WDR33: variants seen among roughly 807,000 people sequenced by gnomAD.
The protein encoded by WDR33 is pre-mRNA 3' end processing protein WDR33.
WDR33 carries 47 observed loss-of-function variants against 164.9 expected under a neutral mutation model. That is an observed-to-expected ratio of 0.29 (90% CI 0.23 to 0.36). The LOEUF is 0.36. Among genes scored for constraint, WDR33 ranks in the 10% least tolerant of loss-of-function variants. The probability of loss-of-function intolerance (pLI) is 1.00; values close to 1 mark genes in which losing one functional copy is unlikely to be tolerated. For missense variants in WDR33, 1,137 were observed against 1,754.1 expected (o/e 0.65, Z 6.28); for synonymous variants, 505 against 589.0 (o/e 0.86, Z 2.06).
intron 1 of WDR33, among the ~76,000 whole-genome samples, chr2:127,807,671 A>C (rs899606209): frequency 4.9e-4 from 74 of 152,252 alleles, no homozygotes; most frequent in Admixed American, 4.8e-3. Context: ...AATCTAGGCA[A>C]AGAGTTAATA....
In WDR33 at chr2:127,811,082, T is replaced by C. The variant is rs1474538594; in HGVS notation, c.-94A>G. The C allele has an allele frequency of 6.5e-6, 1 of 152,684 alleles. No homozygotes were observed. The highest frequency in any genetic ancestry group is 1.5e-5 in the Non-Finnish European group (1 of 68,058). The allele number at this position is 152,684 out of a possible 1,614,324, so 9.5% of individuals were successfully genotyped here. A position where few individuals can be genotyped will look rare whatever the true frequency, so the allele number is the denominator to read the frequency against. ...CCTTCAGAGCCAGAAATGTCTCTCT[T>C]GTTTGGTCTCCCCACCCCGATCCTC... On this transcript the variant is annotated 5_prime_UTR_variant, in exon 1 of 22. Coordinates refer to ENST00000322313, the MANE Select transcript of WDR33 (RefSeq NM_018383.5). This position sits in a 1 kb window ranked among gnomAD's most constrained non-coding sequence, Gnocchi z 4.1.
At chr2:127,802,348 C>T (rs1209898052) in intron 1 of WDR33, among the ~76,000 whole-genome samples, 1 of 152,140 alleles carries the variant, frequency 6.6e-6, no homozygotes, top group Non-Finnish European at 1.5e-5. Context: ...CAAGACTTAA[C>T]TACTTTTTCT....
At chr2:127,750,780 A>G (rs1297343171) in intron 7 of WDR33, among the ~76,000 whole-genome samples, 1 of 142,752 alleles carries the variant, frequency 7.0e-6, no homozygotes, top group African/African-American at 2.6e-5. Context: ...ATACACATAT[A>G]TATACACACA....
chr2:127,793,858 G>A lies in WDR33; in HGVS notation c.-24+17154C>T, dbSNP rs532239231. On this transcript the variant is annotated intron_variant, in intron 1 of 21. Coordinates refer to ENST00000322313, the MANE Select transcript of WDR33 (RefSeq NM_018383.5). ...TTTAAGAAACTATATTGTTCGGGCA[G>A]GCACAGTGGCTCACGCCTGTAATCC... is the stretch of plus-strand genomic sequence containing the variant. Among the ~76,000 whole-genome samples the A allele has an allele frequency of 2.6e-5, 4 of 152,296 alleles. No individual in the cohort carries two copies. The East Asian group carries it at 5.8e-4, about 22-fold the overall frequency.
At chr2:127,745,718 C>T (rs1178329242) in intron 7 of WDR33, among the ~76,000 whole-genome samples, 1 of 151,968 alleles carries the variant, frequency 6.6e-6, no homozygotes, top group Non-Finnish European at 1.5e-5. Context: ...ATATTGTAAA[C>T]CTACCAAAAA....
chr2:127,801,415 A>G (rs1195560250), intron 1 of WDR33, among the ~76,000 whole-genome samples: 4 of 152,012 alleles, frequency 2.6e-5, no homozygotes, highest in African/African-American at 9.7e-5. Context: ...TAATCCTAGC[A>G]CTTTGGGAGG....
rs59904458 is a variant in WDR33 at position 127,715,092 on chromosome 2, T to C, written c.2870-1071A>G. Among the ~76,000 whole-genome samples the C allele has an allele frequency of 2.2e-4, 31 of 139,704 alleles. No homozygotes were observed. In the East Asian group the frequency reaches 5.0e-3, roughly 22 times the overall value. The allele number at this position is 139,704 out of a possible 152,430, so 91.7% of individuals were successfully genotyped here. The stretch of plus-strand genomic sequence containing the variant: ...CTTTCTTTTCTTTCTTTGTTTCTTT[T>C]TTTTTTTTTTTTTTTTTTGAGACAG... On this transcript the variant is annotated intron_variant, in intron 17 of 21. Transcript: ENST00000322313.
intron 7 of WDR33, among the ~76,000 whole-genome samples, chr2:127,744,038 T>C (rs571374340): frequency 1.3e-5 from 2 of 152,318 alleles, no homozygotes; most frequent in Non-Finnish European, 2.9e-5. Context: ...TTACCATGTG[T>C]GCTTATTATT....
chr2:127,722,468 C>A lies in WDR33; in HGVS notation c.1518+123G>T. The A allele has an allele frequency of 1.5e-6, 2 of 1,350,622 alleles. No homozygotes were observed. Among genetic ancestry groups the A allele is most frequent in the Non-Finnish European group, 2.0e-6 (2 of 988,846 alleles). 83.7% of individuals were successfully genotyped at this position (1,350,622 alleles called of 1,614,324 possible). On this transcript the variant is annotated intron_variant, in intron 14 of 21. Coordinates refer to ENST00000322313, the MANE Select transcript of WDR33 (RefSeq NM_018383.5). The surrounding 1 kb of genome is among the most constrained non-coding windows in gnomAD (Gnocchi z 5.1). ...TAGATGAGAACCATGTCTAAGAGTACGTGAACATGGGAAAAATGCTCCAGT... is the reference window on the plus strand; with the variant it reads ...TAGATGAGAACCATGTCTAAGAGTAAGTGAACATGGGAAAAATGCTCCAGT...
At chr2:127,792,964 A>G (rs1688893860) in intron 1 of WDR33, among the ~76,000 whole-genome samples, 1 of 152,216 alleles carries the variant, frequency 6.6e-6, no homozygotes, top group South Asian at 2.1e-4. Flanking sequence ...GAGATACGTC[A>G]GAAACATTAC....
In WDR33 at chr2:127,743,063, T is replaced by C. The variant is rs533517995; in HGVS notation, c.725-16286A>G. 1.2e-4 allele frequency among the ~76,000 whole-genome samples: 19 copies of C among 152,220 alleles called. 1 individual carries two copies. Among genetic ancestry groups the C allele is most frequent in the Admixed American group, 5.2e-4 (8 of 15,292 alleles). ...ACCCCAAACTATGAGTCAAGTATGATGGTAATTAAATACCTTTCCAGACTC... is the reference window on the plus strand; with the variant it reads ...ACCCCAAACTATGAGTCAAGTATGACGGTAATTAAATACCTTTCCAGACTC... On this transcript the variant is annotated intron_variant, in intron 7 of 21. Coordinates refer to ENST00000322313, the MANE Select transcript of WDR33 (RefSeq NM_018383.5).
chr2:127,765,015 G>C (rs750416725), intron 5 of WDR33, 36 bp from the exon 6 acceptor site: 1 of 1,605,538 alleles, frequency 6.2e-7, no homozygotes, highest in African/African-American at 1.3e-5. Context: ...GTAAGGTGCT[G>C]CTTCAAAGAA....
At chr2:127,802,747 G>A (rs1189152739) in intron 1 of WDR33, among the ~76,000 whole-genome samples, 1 of 152,174 alleles carries the variant, frequency 6.6e-6, no homozygotes, top group African/African-American at 2.4e-5. Flanking sequence ...GGGAGGCTGA[G>A]GAGGGAGGAA....
intron 7 of WDR33, among the ~76,000 whole-genome samples, chr2:127,733,677 G>T (rs1215309484): frequency 6.6e-6 from 1 of 152,092 alleles, no homozygotes; most frequent in Non-Finnish European, 1.5e-5. Flanking sequence ...ATATCAGACA[G>T]GAGAGATATA....
chr2:127,769,087 C>A (rs1485781282), intron 2 of WDR33, 86 bp from the exon 3 acceptor site: 3 of 769,318 alleles, frequency 3.9e-6, no homozygotes, highest in Non-Finnish European at 5.2e-6. Flanking sequence ...TTGAAATTAA[C>A]AAAATGTAAG....
intron 1 of WDR33, among the ~76,000 whole-genome samples, chr2:127,801,699 A>T (rs1043284225): frequency 6.6e-6 from 1 of 152,148 alleles, no homozygotes; most frequent in Non-Finnish European, 1.5e-5. Context: ...CCTAGCCAAC[A>T]TGGTGAAATC....
chr2:127,711,280 C>G (rs538718706), intron 18 of WDR33, among the ~76,000 whole-genome samples: 44 of 152,146 alleles, frequency 2.9e-4, no homozygotes, highest in African/African-American at 9.9e-4. Context: ...CAAAAATTAG[C>G]TGGGCGTGGT....
chr2:127,768,228 T>C lies in WDR33; in HGVS notation c.339A>G (p.Thr113=), dbSNP rs750570506. 6.9e-6 allele frequency: 11 copies of C among 1,583,756 alleles called. No individual in the cohort carries two copies. The highest frequency in any genetic ancestry group is 1.3e-5 in the African/African-American group (1 of 74,412). ...MNAVTTKFVR[T]STNKVKCPVF... is the part of the protein sequence containing the mutation. ...CAGGACACTTTACTTTATTTGTTGA[T>C]GTCCGAACAAATTTTGTTGTTACTG... The change falls in exon 4 of 22, where the codon ACA becomes ACG. Residue 113 remains threonine (T), a synonymous_variant. Coordinates refer to ENST00000322313, the MANE Select transcript of WDR33 (RefSeq NM_018383.5).
At chr2:127,788,063 C>G (rs1474479970) in intron 1 of WDR33, among the ~76,000 whole-genome samples, 2 of 79,488 alleles carry the variant, frequency 2.5e-5, no homozygotes, top group Non-Finnish European at 2.4e-5. Context: ...GCTGGCCGGG[C>G]GGGGGGCCGA....
Sources: allele counts gnomAD v4.1 joint callset (sites outside exome capture counted in the v4.1 genomes callset), GRCh38; gene constraint gnomAD v4.1.1; non-coding constraint Gnocchi (gnomAD v3.1); transcripts MANE v1.5; gene names NCBI Gene and HGNC (gene_info 2026-07-23, HGNC 2026-07-21).